The following AP2A2 variants were observed in gnomAD, a reference collection of about 807,000 sequenced individuals.
AP2A2 encodes AP-2 complex subunit alpha-2.
Under a neutral mutation model 104.2 loss-of-function variants are expected in AP2A2, and 32 were observed. The ratio of observed to expected loss-of-function variants is 0.31; its 90% CI spans 0.23 to 0.41. AP2A2 has a LOEUF of 0.41. Ranked by LOEUF, AP2A2 falls within the 10% of genes least tolerant of loss-of-function variation. The pLI is 1.00. For synonymous variants in AP2A2, 539 were observed against 533.3 expected, an observed-to-expected ratio of 1.01 and a Z score of -0.15; for missense variants, 912 against 1,261.0, an observed-to-expected ratio of 0.72 and a Z score of 4.19.
intron 18 of AP2A2, chr11:1,008,891 A>C (rs1856302749): frequency 1.7e-6 from 1 of 579,414 alleles, no homozygotes; most frequent in South Asian, 2.2e-5. Context: ...GTCCTGCCTG[A>C]GTATGCGGCC....
chr11:975,065 G>C (rs1177067053), intron 4 of AP2A2, among the ~76,000 whole-genome samples: 2 of 152,252 alleles, frequency 1.3e-5, no homozygotes, highest in African/African-American at 4.8e-5. Flanking sequence ...AGAAATGGAA[G>C]GACAGAGTAG....
At chr11:963,255 G>A (rs569680800) in intron 2 of AP2A2, among the ~76,000 whole-genome samples, 21 of 151,982 alleles carry the variant, frequency 1.4e-4, no homozygotes, top group African/African-American at 3.6e-4. Flanking sequence ...GTGAAACCCC[G>A]TGTCTATTAA....
At chr11:1,009,963 C>G (rs1192641272) in intron 21 of AP2A2, 146 bp downstream of exon 21, 1 of 1,017,630 alleles carries the variant, frequency 9.8e-7, no homozygotes, top group Non-Finnish European at 1.4e-6. Flanking sequence ...ACATGGTTGC[C>G]TCCCAGCCTC....
At chr11:1,000,066 A>C (rs1329877629) in intron 14 of AP2A2, among the ~76,000 whole-genome samples, 1 of 152,102 alleles carries the variant, frequency 6.6e-6, no homozygotes, top group Non-Finnish European at 1.5e-5. Flanking sequence ...TCGGCCTCCC[A>C]AAGTGCTGGG....
At chr11:938,185 G>C (rs1039822898) in intron 1 of AP2A2, among the ~76,000 whole-genome samples, 43 of 152,268 alleles carry the variant, frequency 2.8e-4, no homozygotes, top group Admixed American at 1.8e-3. Context: ...CCTGTGTGCC[G>C]GCTGGTGCCG....
At chr11:957,770 T>C (rs189021736) in intron 1 of AP2A2, among the ~76,000 whole-genome samples, 167 of 152,360 alleles carry the variant, frequency 1.1e-3, no homozygotes, top group African/African-American at 3.9e-3. Context: ...TCGTAATCCC[T>C]CCTAGCTTCA....
At chr11:952,433 C>A (rs1401627058) in intron 1 of AP2A2, among the ~76,000 whole-genome samples, 2 of 152,208 alleles carry the variant, frequency 1.3e-5, no homozygotes, top group Non-Finnish European at 2.9e-5. Flanking sequence ...TTTATCCAAG[C>A]CTGCCCCTAT....
At chr11:931,741 GA>G (rs1313366412) in intron 1 of AP2A2, among the ~76,000 whole-genome samples, 1 of 151,338 alleles carries the variant, frequency 6.6e-6, no homozygotes, top group Non-Finnish European at 1.5e-5. Context: ...CGATAAATTA[GA>G]AAAATTATCA....
intron 18 of AP2A2, 85 bp downstream of exon 18, chr11:1,008,220 C>T: frequency 6.8e-6 from 10 of 1,477,532 alleles, no homozygotes; most frequent in Non-Finnish European, 8.1e-6. Flanking sequence ...GCCTCCGTGT[C>T]CTTCCTGAGG....
chr11:938,255 T>G (rs1243476410), intron 1 of AP2A2, among the ~76,000 whole-genome samples: 2 of 152,188 alleles, frequency 1.3e-5, no homozygotes, highest in Non-Finnish European at 2.9e-5. Context: ...TCCCTGTGGC[T>G]TCTCCCATCG....
At chr11:928,666 C>G (rs1014595552) in intron 1 of AP2A2, among the ~76,000 whole-genome samples, 5 of 152,226 alleles carry the variant, frequency 3.3e-5, no homozygotes, top group African/African-American at 1.2e-4. Flanking sequence ...CAAAGTTGTC[C>G]GCCGTCGAGA....
At chr11:958,272 C>T (rs914778811) in intron 1 of AP2A2, among the ~76,000 whole-genome samples, 3 of 152,216 alleles carry the variant, frequency 2.0e-5, no homozygotes, top group Admixed American at 2.0e-4. Context: ...AGAAACCACC[C>T]TGCTGGTGTG....
At chr11:953,371 C>T (rs181105821) in intron 1 of AP2A2, among the ~76,000 whole-genome samples, 1 of 152,122 alleles carries the variant, frequency 6.6e-6, no homozygotes, top group Admixed American at 6.6e-5. Flanking sequence ...CACCATGTTG[C>T]CCAGGCTGGT....
rs1040766894 is a variant in AP2A2, at chr11:968,850, T to C, written c.137-1319T>C. ...TTATATCATCTGGTCTTTTAAATTA[T>C]GTTAATTTGCCGCTGACAAGGAGGG... On this transcript the variant is annotated intron_variant, in intron 2 of 21. Coordinates refer to ENST00000448903, the MANE Select transcript of AP2A2 (RefSeq NM_012305.4). This position sits in a 1 kb window ranked among gnomAD's most constrained non-coding sequence, Gnocchi z 4.2. Among the ~76,000 whole-genome samples the C allele has an allele frequency of 6.6e-6, 1 of 152,160 alleles. No individual in the cohort carries two copies. The highest frequency in any genetic ancestry group is 1.5e-5 in the Non-Finnish European group (1 of 68,020).
At position 1,007,972 on chromosome 11, in the gene AP2A2, C is replaced by A. The variant is rs940427884; in HGVS notation, c.2297-40C>A. On this transcript the variant is annotated intron_variant, in intron 17 of 21. Transcript: ENST00000448903. ...CTAGCCCGGCCCGTTTCCGCTTCTG[C>A]CACTGGGACTTGCTCAGCTGGATTC... 4.5e-6 allele frequency: 7 copies of A among 1,551,374 alleles called. No homozygotes were observed. In the African/African-American group the frequency reaches 9.6e-5, roughly 21 times the overall value.
chr11:994,976 G>A (rs554899317), intron 14 of AP2A2, among the ~76,000 whole-genome samples: 1 of 141,318 alleles, frequency 7.1e-6, no homozygotes, highest in Non-Finnish European at 1.6e-5. Flanking sequence ...GGGGGCCACT[G>A]TCCCTGCTGG....
intron 1 of AP2A2, among the ~76,000 whole-genome samples, chr11:955,051 C>T (rs1854191740): frequency 6.6e-6 from 1 of 152,170 alleles, no homozygotes; most frequent in South Asian, 2.1e-4. Flanking sequence ...AACATAAGTT[C>T]CCCCTCAGAG....
Position 935,349 on chromosome 11 carries a change from G to A in AP2A2, c.67+9261G>A, listed in dbSNP as rs1278575817. On this transcript the variant is annotated intron_variant, in intron 1 of 21. Transcript: ENST00000448903. ...TGGGATTACAGGTGTGAGCCACCGC[G>A]CCCAGCTGGGGTTTCACCATTTTGG... Among the ~76,000 whole-genome samples the A allele has an allele frequency of 3.3e-5, 5 of 152,058 alleles. No individual in the cohort carries two copies. In the East Asian group the frequency reaches 5.8e-4, roughly 18 times the overall value.
At position 994,215 on chromosome 11, in the gene AP2A2, T is replaced by C. The variant is rs750242216; in HGVS notation, c.1926T>C (p.Pro642=). ...RDRSVDVNGG[P]EPAPASTSAV... ...GGAGTGTGGACGTGAACGGGGGTCCTGAGCCTGCCCCAGCCAGTACCAGCG... is the reference window on the plus strand; with the variant it reads ...GGAGTGTGGACGTGAACGGGGGTCCCGAGCCTGCCCCAGCCAGTACCAGCG... Residue 642 remains proline, a synonymous_variant, in exon 14 of 22, where the codon CCT becomes CCC. Coordinates refer to ENST00000448903, the MANE Select transcript of AP2A2 (RefSeq NM_012305.4). The C allele has an allele frequency of 1.2e-6, 2 of 1,612,872 alleles. No homozygotes were observed. Among genetic ancestry groups the C allele is most frequent in the Non-Finnish European group, 1.7e-6 (2 of 1,179,834 alleles).
Sources: allele counts gnomAD v4.1 joint callset (sites outside exome capture counted in the v4.1 genomes callset), GRCh38; gene constraint gnomAD v4.1.1; non-coding constraint Gnocchi (gnomAD v3.1); transcripts MANE v1.5; gene names NCBI Gene and HGNC (gene_info 2026-07-23, HGNC 2026-07-21).